Variants in TENM2 observed in about 807,000 individuals in gnomAD.
TENM2 encodes the protein teneurin transmembrane protein 2.
Under a neutral mutation model 245.2 loss-of-function variants are expected in TENM2, and 52 were observed. The observed-to-expected ratio is 0.21, with a 90% CI of 0.17 to 0.27. TENM2 has a LOEUF of 0.27. Ranked by LOEUF, TENM2 falls within the 10% of genes least tolerant of loss-of-function variation. The probability of loss-of-function intolerance (pLI) is 1.00; values close to 1 mark genes in which losing one functional copy is unlikely to be tolerated. For synonymous variants in TENM2, 1,363 were observed against 1,438.9 expected, an observed-to-expected ratio of 0.95 and a Z score of 1.19; for missense variants, 3,046 against 3,666.8, an observed-to-expected ratio of 0.83 and a Z score of 4.37.
In TENM2 at chr5:168,035,544, A is replaced by G. The variant is rs145654717; in HGVS notation, c.1187-11883A>G. ...CATAAGTGGCTTGTGTTTTATTTCT[A>G]TTGGACAGTGCTGATTACAGCAGAA... On this transcript the variant is annotated intron_variant, in intron 5 of 28. Transcript: ENST00000518659. 2.0e-4 allele frequency among the ~76,000 whole-genome samples: 31 copies of G among 151,374 alleles called. 1 individual carries two copies. The East Asian group carries it at 4.7e-3, about 23-fold the overall frequency.
At chr5:168,012,667 A>C (rs964281898) in intron 5 of TENM2, among the ~76,000 whole-genome samples, 4 of 151,098 alleles carry the variant, frequency 2.6e-5, no homozygotes, top group Non-Finnish European at 4.4e-5. Context: ...AAAACAAAAA[A>C]AAAAACTGAA....
the TENM2 span, among the ~76,000 whole-genome samples, chr5:167,151,030 A>G: frequency 6.6e-6 from 1 of 152,202 alleles, no homozygotes; most frequent in African/African-American, 2.4e-5. Flanking sequence ...ACAAACAGAT[A>G]TCTTTCAAGC....
exon 24 of TENM2, chr5:168,226,190 C>G: frequency 6.2e-7 from 1 of 1,613,702 alleles, no homozygotes; most frequent in Non-Finnish European, 8.5e-7. Context: ...ACATTGAGAA[C>G]TCCAACCGTG....
chr5:167,876,248 T>C, intron 3 of TENM2, 53 bp downstream of exon 5: 2 of 1,412,370 alleles, frequency 1.4e-6, no homozygotes, highest in Non-Finnish European at 2.0e-6. Flanking sequence ...GTGACATTCT[T>C]GATTCTCCAC....
At chr5:167,240,456 A>C in the TENM2 span, among the ~76,000 whole-genome samples, 1 of 151,994 alleles carries the variant, frequency 6.6e-6, no homozygotes, top group Non-Finnish European at 1.5e-5. Context: ...CATGTGTATC[A>C]GTTAAGTTAA....
At chr5:167,628,981 A>G (rs1778692881) in intron 2 of TENM2, among the ~76,000 whole-genome samples, 1 of 152,200 alleles carries the variant, frequency 6.6e-6, no homozygotes, top group South Asian at 2.1e-4. Flanking sequence ...AGAGCCTTAC[A>G]TAAATTAATG....
the TENM2 span, among the ~76,000 whole-genome samples, chr5:167,035,134 T>A: frequency 1.3e-5 from 2 of 152,148 alleles, no homozygotes; most frequent in Non-Finnish European, 2.9e-5. Flanking sequence ...CAGACTGTAT[T>A]TTATTTGAAA....
intron 2 of TENM2, among the ~76,000 whole-genome samples, chr5:167,623,323 G>C (rs1313389857): frequency 6.6e-6 from 1 of 152,150 alleles, no homozygotes; most frequent in African/African-American, 2.4e-5. Context: ...TACCAGGGAA[G>C]ACCGAATTCT....
chr5:168,084,918 T>C (rs79549711), intron 7 of TENM2, among the ~76,000 whole-genome samples: 3,657 of 152,286 alleles, frequency 0.024, 136 homozygotes, highest in African/African-American at 0.082. Flanking sequence ...TCTTATCCGC[T>C]CAGTGGCATT....
chr5:167,082,468 G>T, the TENM2 span, among the ~76,000 whole-genome samples: 2 of 151,976 alleles, frequency 1.3e-5, no homozygotes, highest in Non-Finnish European at 2.9e-5. Context: ...TGCATTTTTA[G>T]TAGAGACGGG....
chr5:167,218,268 G>T, the TENM2 span, among the ~76,000 whole-genome samples: 18,697 of 152,028 alleles, frequency 0.12, 1,377 homozygotes, highest in South Asian at 0.18. Context: ...TAAAATCTGA[G>T]AATCAATATA....
chr5:167,543,144 CAAGCTT>C (rs1772322403), intron 2 of TENM2, among the ~76,000 whole-genome samples: 1 of 152,176 alleles, frequency 6.6e-6, no homozygotes, highest in Non-Finnish European at 1.5e-5. Context: ...AATGCTCACT[CAAGCTT>C]AAGCACTTCC....
intron 1 of TENM2, among the ~76,000 whole-genome samples, chr5:167,302,560 G>T (rs1030263503): frequency 2.0e-5 from 3 of 151,746 alleles, no homozygotes; most frequent in African/African-American, 4.8e-5. Flanking sequence ...TAAGAGGTCG[G>T]GGCGTGGAAA....
chr5:167,793,507 A>T (rs941292556), intron 2 of TENM2, among the ~76,000 whole-genome samples: 4 of 152,100 alleles, frequency 2.6e-5, no homozygotes, highest in Non-Finnish European at 5.9e-5. Context: ...CATGTAAATA[A>T]TGTATTATCT....
intron 2 of TENM2, among the ~76,000 whole-genome samples, chr5:167,659,582 G>A (rs771554978): frequency 6.6e-6 from 1 of 152,116 alleles, no homozygotes; most frequent in African/African-American, 2.4e-5. Context: ...TTTTATTTCA[G>A]GCATTCCTTT....
chr5:167,200,628 T>A, the TENM2 span, among the ~76,000 whole-genome samples: 1 of 152,028 alleles, frequency 6.6e-6, no homozygotes, highest in African/African-American at 2.4e-5. Context: ...CCCTTTTTGT[T>A]AAACATATTT....
At chr5:168,255,186 A>G (rs1018197603) in intron 27 of TENM2, among the ~76,000 whole-genome samples, 2 of 152,276 alleles carry the variant, frequency 1.3e-5, no homozygotes, top group African/African-American at 4.8e-5. Context: ...TTAAGTAACA[A>G]AAAAACACAG....
chr5:168,078,887 G>A (rs963989968), intron 7 of TENM2, among the ~76,000 whole-genome samples: 1 of 152,048 alleles, frequency 6.6e-6, no homozygotes, highest in African/African-American at 2.4e-5. Context: ...TTGTTCTTTT[G>A]GTTTAGGATT....
At chr5:167,550,921 G>T (rs933317470) in intron 2 of TENM2, among the ~76,000 whole-genome samples, 1 of 151,978 alleles carries the variant, frequency 6.6e-6, no homozygotes, top group Non-Finnish European at 1.5e-5. Flanking sequence ...TAGAGACGGG[G>T]TATCACCATA....
Sources: gnomAD v4.1 joint callset for allele counts (sites outside exome capture counted in the v4.1 genomes callset) on GRCh38, gnomAD v4.1.1 for gene constraint, MANE v1.5 for transcripts, NCBI Gene and HGNC (gene_info 2026-07-23, HGNC 2026-07-21) for gene names.